Variants in RAPGEF4 observed in about 807,000 individuals in gnomAD.
RAPGEF4 encodes the protein RAP guanine-nucleotide-exchange factor (GEF) 4.
In RAPGEF4, 66 loss-of-function variants were observed where a neutral mutation model predicts 147.9. That is an observed-to-expected ratio of 0.45 (90% CI 0.37 to 0.55). RAPGEF4 has a LOEUF of 0.55. RAPGEF4 is among the 20% of genes least tolerant of loss of function. The probability of loss-of-function intolerance (pLI) is 0.00; values close to 1 mark genes in which losing one functional copy is unlikely to be tolerated. For synonymous variants in RAPGEF4, 419 were observed against 442.7 expected (o/e 0.95, Z 0.67); for missense variants, 1,071 against 1,257.3 (o/e 0.85, Z 2.24).
intron 15 of RAPGEF4, 89 bp from the exon 16 acceptor site, chr2:172,996,377 T>TAA (rs367826381): frequency 5.3e-3 from 2,999 of 566,554 alleles, no homozygotes; most frequent in Middle Eastern, 8.3e-3. Flanking sequence ...GATCTCAAAT[T>TAA]AAAAAAAAAA....
rs563196936 is a variant in RAPGEF4 at position 172,786,660 on chromosome 2, A to G, written c.66-8365A>G. Among the ~76,000 whole-genome samples, 4 of 152,318 alleles carry G rather than the reference A, an allele frequency of 2.6e-5. No individual in the cohort carries two copies. The East Asian group carries it at 7.7e-4, about 29-fold the overall frequency. Reference sequence around the variant, plus strand: ...GAGGCCAAAGTGGGAAGACTGCTTGAGGCCAGAAGTTCGAGACCAGCCTGG... The same window carrying G: ...GAGGCCAAAGTGGGAAGACTGCTTGGGGCCAGAAGTTCGAGACCAGCCTGG... On this transcript the variant is annotated intron_variant, in intron 1 of 30. Coordinates refer to ENST00000397081, the MANE Select transcript of RAPGEF4 (RefSeq NM_007023.4).
chr2:172,875,268 A>T (rs1170168861), intron 4 of RAPGEF4, among the ~76,000 whole-genome samples: 4 of 152,036 alleles, frequency 2.6e-5, no homozygotes, highest in Non-Finnish European at 4.4e-5. Context: ...CCCATTTGTC[A>T]ATTTTGGCTT....
intron 3 of RAPGEF4, among the ~76,000 whole-genome samples, chr2:172,810,514 A>G (rs1013441456): frequency 6.6e-6 from 1 of 152,218 alleles, no homozygotes; most frequent in Middle Eastern, 3.2e-3. Flanking sequence ...TCTGTGTTTT[A>G]GAAGGAGGAG....
intron 4 of RAPGEF4, among the ~76,000 whole-genome samples, chr2:172,911,698 A>T (rs954273397): frequency 6.9e-6 from 1 of 144,736 alleles, no homozygotes; most frequent in Non-Finnish European, 1.5e-5. Context: ...ACCTCAAGTG[A>T]TCTGCCTGCC....
intron 4 of RAPGEF4, among the ~76,000 whole-genome samples, chr2:172,866,150 C>T (rs1021504067): frequency 6.6e-6 from 1 of 152,126 alleles, no homozygotes; most frequent in South Asian, 2.1e-4. Context: ...TTCATCTTCC[C>T]CTTGCACCCC....
At chr2:172,999,760 A>C (rs1198081037) in intron 16 of RAPGEF4, among the ~76,000 whole-genome samples, 2 of 152,224 alleles carry the variant, frequency 1.3e-5, no homozygotes, top group African/African-American at 4.8e-5. Flanking sequence ...AATATAAGTG[A>C]TGAGTGTAAT....
At position 173,020,644 on chromosome 2, in the gene RAPGEF4, G is replaced by A. The variant is rs775819213; in HGVS notation, c.2182G>A (p.Val728Ile). 1.5e-5 allele frequency: 25 copies of A among 1,613,016 alleles called. No homozygotes were observed. Among genetic ancestry groups the A allele is most frequent in the South Asian group, 1.2e-4 (11 of 90,748 alleles). ...GEKVVLKPND[V>I]SVFTTLTING... ...AAAGGTGGTGCTCAAACCTAATGAT[G>A]TTTCAGTATTTACGACGCTCACCAT... Residue 728 changes from valine (V) to isoleucine (I), a missense_variant, in exon 23 of 31, where the codon GTT (valine) becomes ATT (isoleucine). By Grantham distance (29) the Val-to-Ile change is conservative. Coordinates refer to ENST00000397081, the MANE Select transcript of RAPGEF4 (RefSeq NM_007023.4).
At chr2:172,899,733 A>T (rs925985381) in intron 4 of RAPGEF4, among the ~76,000 whole-genome samples, 2 of 152,178 alleles carry the variant, frequency 1.3e-5, no homozygotes, top group Non-Finnish European at 2.9e-5. Flanking sequence ...CGGACAGCTG[A>T]TAGCATCAAG....
At chr2:172,832,466 A>C (rs113911065) in intron 4 of RAPGEF4, among the ~76,000 whole-genome samples, 2 of 152,160 alleles carry the variant, frequency 1.3e-5, no homozygotes, top group South Asian at 2.1e-4. Context: ...CTCTATCTCA[A>C]CTCCTCATTT....
chr2:172,944,859 T>G (rs1218313933), intron 6 of RAPGEF4, among the ~76,000 whole-genome samples: 1 of 152,188 alleles, frequency 6.6e-6, no homozygotes, highest in Non-Finnish European at 1.5e-5. Context: ...TACTTGCAGA[T>G]GTTGCAAGTA....
At chr2:172,826,901 G>T (rs1355980789) in intron 4 of RAPGEF4, among the ~76,000 whole-genome samples, 1 of 151,856 alleles carries the variant, frequency 6.6e-6, no homozygotes, top group Non-Finnish European at 1.5e-5. Flanking sequence ...GGAGCTTGAG[G>T]CTGCAGTGAG....
intron 10 of RAPGEF4, among the ~76,000 whole-genome samples, chr2:172,974,211 A>G (rs932009576): frequency 2.0e-5 from 3 of 152,166 alleles, no homozygotes; most frequent in Non-Finnish European, 4.4e-5. Flanking sequence ...TCACTTGCCT[A>G]TGGTTATCCA....
At chr2:173,035,091 G>C (rs1333466374) in intron 27 of RAPGEF4, among the ~76,000 whole-genome samples, 2 of 151,838 alleles carry the variant, frequency 1.3e-5, no homozygotes, top group Middle Eastern at 3.4e-3. Flanking sequence ...GTCTCACTCT[G>C]TCACCAAGGC....
intron 4 of RAPGEF4, among the ~76,000 whole-genome samples, chr2:172,821,046 G>T (rs936932735): frequency 6.6e-6 from 1 of 152,188 alleles, no homozygotes; most frequent in Non-Finnish European, 1.5e-5. Context: ...AGAGGCATCT[G>T]ATCTTGCTCT....
chr2:172,896,581 C>T (rs928022529), intron 4 of RAPGEF4, among the ~76,000 whole-genome samples: 10 of 151,400 alleles, frequency 6.6e-5, no homozygotes, highest in African/African-American at 2.4e-4. Flanking sequence ...CATCCCACCC[C>T]CCCCCAAAAA....
chr2:172,972,919 C>T (rs966585137), intron 10 of RAPGEF4, among the ~76,000 whole-genome samples: 13 of 152,068 alleles, frequency 8.5e-5, no homozygotes, highest in Non-Finnish European at 1.5e-5. Context: ...CATTTTGGTG[C>T]CTATCCCTTT....
chr2:173,051,451 G>A (rs1686228469), intron 30 of RAPGEF4, among the ~76,000 whole-genome samples, 189 bp from the exon 31 acceptor site: 1 of 152,100 alleles, frequency 6.6e-6, no homozygotes, highest in African/African-American at 2.4e-5. Flanking sequence ...GGGAAGAAAA[G>A]AAAATTGGAG....
At chr2:172,925,254 C>T (rs959871100) in intron 6 of RAPGEF4, among the ~76,000 whole-genome samples, 3 of 152,210 alleles carry the variant, frequency 2.0e-5, no homozygotes, top group Non-Finnish European at 2.9e-5. Context: ...GATGAGATTA[C>T]GGGTGTGAGC....
chr2:173,019,230 C>T (rs547270476), intron 22 of RAPGEF4, among the ~76,000 whole-genome samples: 1 of 152,340 alleles, frequency 6.6e-6, no homozygotes, highest in East Asian at 1.9e-4. Flanking sequence ...TTTCTCCTTA[C>T]TCAGTAGAGA....
Sources: allele counts gnomAD v4.1 joint callset (sites outside exome capture counted in the v4.1 genomes callset), GRCh38; gene constraint gnomAD v4.1.1; transcripts MANE v1.5; gene names NCBI Gene and HGNC (gene_info 2026-07-23, HGNC 2026-07-21).